Variants in RUNX2 observed in about 807,000 individuals in gnomAD.
RUNX2 encodes runt-related transcription factor 2.
In RUNX2, 10 loss-of-function variants were observed where a neutral mutation model predicts 51.7. That is an observed-to-expected ratio of 0.19 (90% CI 0.12 to 0.33). RUNX2 has a LOEUF of 0.33. Ranked by LOEUF, RUNX2 falls within the 10% of genes least tolerant of loss-of-function variation. The pLI is 1.00. For missense variants in RUNX2, 562 were observed against 691.3 expected, an observed-to-expected ratio of 0.81 and a Z score of 2.10; for synonymous variants, 276 against 273.6, an observed-to-expected ratio of 1.01 and a Z score of -0.09.
At chr6:45,455,581 T>C (rs1199376397) in intron 5 of RUNX2, among the ~76,000 whole-genome samples, 2 of 152,136 alleles carry the variant, frequency 1.3e-5, no homozygotes, top group African/African-American at 4.8e-5. Flanking sequence ...CCAGCAGAAT[T>C]GAGTATAAAC....
At chr6:45,546,072 G>A (rs560616976) in intron 8 of RUNX2, among the ~76,000 whole-genome samples, 19 of 152,108 alleles carry the variant, frequency 1.2e-4, no homozygotes, top group Non-Finnish European at 2.4e-4. Context: ...AAAAGCTACT[G>A]TTAGCACCTG....
intron 5 of RUNX2, among the ~76,000 whole-genome samples, chr6:45,444,134 G>A (rs1367254324): frequency 6.6e-6 from 1 of 152,226 alleles, no homozygotes; most frequent in Non-Finnish European, 1.5e-5. Flanking sequence ...ACAGGCGTGA[G>A]CCACTGCGCC....
At chr6:45,425,473 A>G (rs1225578473) in intron 3 of RUNX2, among the ~76,000 whole-genome samples, 1 of 152,244 alleles carries the variant, frequency 6.6e-6, no homozygotes, top group Non-Finnish European at 1.5e-5. Flanking sequence ...TAACAAGACC[A>G]TATTAAATTG....
At chr6:45,349,958 C>T (rs549105239) in intron 2 of RUNX2, among the ~76,000 whole-genome samples, 5 of 152,068 alleles carry the variant, frequency 3.3e-5, no homozygotes, top group Non-Finnish European at 5.9e-5. Context: ...TAAGCAATTA[C>T]TGTTTTCAAA....
intron 5 of RUNX2, among the ~76,000 whole-genome samples, chr6:45,487,719 A>T (rs997644012): frequency 6.6e-6 from 1 of 152,214 alleles, no homozygotes; most frequent in Non-Finnish European, 1.5e-5. Flanking sequence ...ATATTCATTC[A>T]TTCACTTATT....
chr6:45,401,344 A>T (rs1393297863), intron 2 of RUNX2, among the ~76,000 whole-genome samples: 2 of 152,346 alleles, frequency 1.3e-5, no homozygotes, highest in Admixed American at 6.5e-5. Flanking sequence ...CATCTTACAC[A>T]TATTTATATA....
intron 2 of RUNX2, among the ~76,000 whole-genome samples, chr6:45,399,328 C>CTCATT (rs1330670563): frequency 6.3e-5 from 8 of 126,896 alleles, no homozygotes; most frequent in Non-Finnish European, 1.4e-4. Flanking sequence ...TCTCTTCTTT[C>CTCATT]TCATTTCTTT....
rs114286200 is a variant in RUNX2 at position 45,381,184 on chromosome 6, G to A, written c.59-41409G>A. 1.0e-2 allele frequency among the ~76,000 whole-genome samples: 1,520 copies of A among 152,230 alleles called. 29 individuals carry two copies. Among genetic ancestry groups the A allele is most frequent in the African/African-American group, 0.035 (1,440 of 41,542 alleles). On this transcript the variant is annotated intron_variant, in intron 2 of 8. Coordinates refer to ENST00000647337, the MANE Select transcript of RUNX2 (RefSeq NM_001024630.4). Reference sequence around the variant, plus strand: ...TCAAAAGTATCTTGTTTTATGTTTAGAGCAAGTTGTTCTGACCAAAAAGAT... The same window carrying A: ...TCAAAAGTATCTTGTTTTATGTTTAAAGCAAGTTGTTCTGACCAAAAAGAT...
intron 2 of RUNX2, among the ~76,000 whole-genome samples, chr6:45,332,694 C>A (rs2150089077): frequency 6.6e-6 from 1 of 151,812 alleles, no homozygotes; most frequent in East Asian, 1.9e-4. Context: ...ACCTCTATAG[C>A]ATCTATTAAA....
intron 6 of RUNX2, among the ~76,000 whole-genome samples, chr6:45,500,647 G>A (rs1283280723): frequency 1.3e-5 from 2 of 152,186 alleles, no homozygotes; most frequent in Non-Finnish European, 2.9e-5. Context: ...AATGTTTGGC[G>A]CTGTTGCCAG....
chr6:45,349,660 C>A (rs1356187158), intron 2 of RUNX2, among the ~76,000 whole-genome samples: 2 of 152,132 alleles, frequency 1.3e-5, no homozygotes, highest in Non-Finnish European at 2.9e-5. Flanking sequence ...TAGGTTGTTT[C>A]ACTGGTTTTC....
chr6:45,413,855 C>A (rs949228071), intron 2 of RUNX2, among the ~76,000 whole-genome samples: 1 of 152,120 alleles, frequency 6.6e-6, no homozygotes, highest in South Asian at 2.1e-4. Context: ...TCGGTAAGTT[C>A]TCAATACCCA....
intron 7 of RUNX2, among the ~76,000 whole-genome samples, chr6:45,524,572 G>C (rs138984488): frequency 6.6e-6 from 1 of 152,236 alleles, no homozygotes; most frequent in East Asian, 1.9e-4. Context: ...AACACACCCT[G>C]ACCTGTGCCA....
intron 7 of RUNX2, among the ~76,000 whole-genome samples, chr6:45,528,691 A>G (rs1387618215): frequency 6.6e-6 from 1 of 152,184 alleles, no homozygotes; most frequent in African/African-American, 2.4e-5. Flanking sequence ...CTTTGCAGGC[A>G]ATCATTAGAT....
At chr6:45,356,309 G>A (rs1394157241) in intron 2 of RUNX2, among the ~76,000 whole-genome samples, 1 of 151,576 alleles carries the variant, frequency 6.6e-6, no homozygotes, top group Non-Finnish European at 1.5e-5. Context: ...ATATATTTTA[G>A]TATATTAAAA....
At chr6:45,532,480 C>CA (rs1801890402) in intron 7 of RUNX2, among the ~76,000 whole-genome samples, 1 of 152,018 alleles carries the variant, frequency 6.6e-6, no homozygotes, top group African/African-American at 2.4e-5. Flanking sequence ...GGCCAGAACC[C>CA]ACATCTCCAG....
chr6:45,545,699 T>C (rs1402513618), intron 8 of RUNX2, among the ~76,000 whole-genome samples: 1 of 152,228 alleles, frequency 6.6e-6, no homozygotes, highest in Non-Finnish European at 1.5e-5. Context: ...GAACAATATC[T>C]TAACAAGAGC....
intron 6 of RUNX2, among the ~76,000 whole-genome samples, chr6:45,507,780 A>T (rs1474099176): frequency 6.6e-6 from 1 of 152,220 alleles, no homozygotes; most frequent in Non-Finnish European, 1.5e-5. Flanking sequence ...CAAATTGTGA[A>T]CTACACGGTA....
chr6:45,376,518 A>AC (rs1315083199), intron 2 of RUNX2, among the ~76,000 whole-genome samples: 4 of 152,236 alleles, frequency 2.6e-5, no homozygotes, highest in Non-Finnish European at 5.9e-5. Context: ...TGCCTAGGCT[A>AC]CCACTAGTGC....
Sources: allele counts gnomAD v4.1 joint callset (sites outside exome capture counted in the v4.1 genomes callset), GRCh38; gene constraint gnomAD v4.1.1; transcripts MANE v1.5; gene names NCBI Gene and HGNC (gene_info 2026-07-23, HGNC 2026-07-21).